Variants in ATF3 observed in about 807,000 individuals in gnomAD.
ATF3 encodes the protein cyclic AMP-dependent transcription factor ATF-3.
ATF3 carries 10 observed loss-of-function variants against 18.4 expected under a neutral mutation model. That is an observed-to-expected ratio of 0.54 (90% CI 0.34 to 0.92). The LOEUF (loss-of-function observed/expected upper bound fraction) is 0.92, where lower values mean the gene tolerates loss of function less well. Ranked by LOEUF, ATF3 falls within the 40% of genes least tolerant of loss-of-function variation. The pLI is 0.02. For missense variants in ATF3, 183 were observed against 222.3 expected (o/e 0.82, Z 1.12); for synonymous variants, 78 against 87.9 (o/e 0.89, Z 0.63).
chr1:212,619,519 T>C lies in ATF3; in HGVS notation c.510T>C (p.Phe170=). The change falls in exon 4 of 4, where the codon TTT becomes TTC. Residue 170 remains phenylalanine, a synonymous_variant. Coordinates refer to ENST00000341491, the MANE Select transcript of ATF3 (RefSeq NM_001674.4). This position sits in a 1 kb window ranked among gnomAD's most constrained non-coding sequence, Gnocchi z 4.4. Reference sequence around the variant, plus strand: ...CTCCAGAAGATGAGAGAAACCTCTTTATCCAACAGATAAAAGAAGGAACAT... The same window carrying C: ...CTCCAGAAGATGAGAGAAACCTCTTCATCCAACAGATAAAAGAAGGAACAT... ...GRTPEDERNL[F]IQQIKEGTLQ... 1.9e-6 allele frequency: 3 copies of C among 1,614,198 alleles called. No homozygotes were observed. The highest frequency in any genetic ancestry group is 2.5e-6 in the Non-Finnish European group (3 of 1,180,038).
chr1:212,569,738 T>A (rs1664446622), intron 1 of ATF3, among the ~76,000 whole-genome samples: 1 of 152,010 alleles, frequency 6.6e-6, no homozygotes, highest in South Asian at 2.1e-4. Flanking sequence ...TTTAATGTAG[T>A]TTACCTTACT....
intron 1 of ATF3, among the ~76,000 whole-genome samples, chr1:212,611,536 T>C (rs1180377338): frequency 6.6e-6 from 1 of 152,324 alleles, no homozygotes; most frequent in South Asian, 2.1e-4. Context: ...GTGGCACTGA[T>C]AGGCTTAGAA....
chr1:212,604,598 A>C (rs1376605450), upstream of ATF3, among the ~76,000 whole-genome samples: 1 of 152,174 alleles, frequency 6.6e-6, no homozygotes, highest in Non-Finnish European at 1.5e-5. Flanking sequence ...GAGGGGAAGA[A>C]AGGTTGCAGA....
upstream of ATF3, among the ~76,000 whole-genome samples, chr1:212,607,102 G>A (rs1179551596): frequency 5.9e-5 from 9 of 152,230 alleles, no homozygotes; most frequent in African/African-American, 2.2e-4. Flanking sequence ...TTCCGAGGCC[G>A]CCCTCCGCGT....
At chr1:212,593,859 CTT>C (rs58326724) in intron 1 of ATF3, among the ~76,000 whole-genome samples, 31,279 of 151,466 alleles carry the variant, frequency 0.21, 3,260 homozygotes, top group South Asian at 0.26. Context: ...CTAGGGCTGT[CTT>C]TATTTTTCTG....
chr1:212,591,370 T>C (rs1199575220), intron 1 of ATF3, among the ~76,000 whole-genome samples: 1 of 152,220 alleles, frequency 6.6e-6, no homozygotes, highest in African/African-American at 2.4e-5. Flanking sequence ...TCTAAAGTGA[T>C]ATCTTGGCTT....
intron 1 of ATF3, among the ~76,000 whole-genome samples, chr1:212,585,802 G>C (rs1316529322): frequency 6.6e-6 from 1 of 151,982 alleles, no homozygotes; most frequent in Non-Finnish European, 1.5e-5. Context: ...AGGTGTGTGT[G>C]TGTGTGTATG....
At chr1:212,597,707 C>T (rs770412031) in intron 1 of ATF3, among the ~76,000 whole-genome samples, 1 of 152,138 alleles carries the variant, frequency 6.6e-6, no homozygotes, top group Non-Finnish European at 1.5e-5. Flanking sequence ...AGTGCAGAAC[C>T]AGAACTTGAA....
rs57512671 is a variant in ATF3 at position 212,576,721 on chromosome 1, C to CTTTTTTTTTTTTTTTTTTTTT, written c.-5+11242_-5+11262dup. On this transcript the variant is annotated intron_variant, in intron 1 of 3. Coordinates refer to the ATF3 transcript ENST00000366981. ...AAAAAATATTCTTTTCTTTTCTTTTCTTTTTTTTTTTTTTTTTTTTTTTTG... is the reference window on the plus strand; with the variant it reads ...AAAAAATATTCTTTTCTTTTCTTTTCTTTTTTTTTTTTTTTTTTTTTTTTTTTTTTTTTTTTTTTTTTTTTG... Among the ~76,000 whole-genome samples the CTTTTTTTTTTTTTTTTTTTTT allele has an allele frequency of 7.0e-5, 4 of 57,302 alleles. 1 individual carries two copies. Among genetic ancestry groups the CTTTTTTTTTTTTTTTTTTTTT allele is most frequent in the Non-Finnish European group, 1.2e-4 (4 of 34,252 alleles). 37.6% of individuals were successfully genotyped at this position (57,302 alleles called of 152,430 possible). A position where few individuals can be genotyped will look rare whatever the true frequency, so the allele number is the denominator to read the frequency against.
rs1362809423 is a variant in ATF3, at chr1:212,618,393, G to C, written c.348+159G>C. The C allele has an allele frequency of 3.9e-6, 3 of 777,630 alleles. No individual in the cohort carries two copies. The highest frequency in any genetic ancestry group is 6.9e-6 in the Non-Finnish European group (3 of 436,334). The allele number at this position is 777,630 out of a possible 1,614,324, so 48.2% of individuals were successfully genotyped here. Reference sequence around the variant, plus strand: ...AGAAATGCCAGTTGCAGAATGAGGAGGTGGCAAAGCAGTTAACACAATGGA... The same window carrying C: ...AGAAATGCCAGTTGCAGAATGAGGACGTGGCAAAGCAGTTAACACAATGGA... On this transcript the variant is annotated intron_variant, in intron 3 of 3. Coordinates refer to ENST00000341491, the MANE Select transcript of ATF3 (RefSeq NM_001674.4). The surrounding 1 kb of genome is among the most constrained non-coding windows in gnomAD (Gnocchi z 4.4).
chr1:212,619,435 G>A lies in ATF3; in HGVS notation c.426G>A (p.Leu142=). ...AGCTCAAGAACGAGAAGCAGCATTTGATATACATGCTCAACCTTCATCGGC... is the reference window on the plus strand; with the variant it reads ...AGCTCAAGAACGAGAAGCAGCATTTAATATACATGCTCAACCTTCATCGGC... ...IEELKNEKQH[L]IYMLNLHRPT... Residue 142 remains leucine, a synonymous_variant, in exon 4 of 4, where the codon TTG becomes TTA. Transcript: ENST00000341491. This position sits in a 1 kb window ranked among gnomAD's most constrained non-coding sequence, Gnocchi z 4.4. The A allele has an allele frequency of 6.2e-7, 1 of 1,614,204 alleles. No individual in the cohort carries two copies. Among genetic ancestry groups the A allele is most frequent in the Non-Finnish European group, 8.5e-7 (1 of 1,180,046 alleles).
intron 1 of ATF3, 41 bp from the exon 2 acceptor site, chr1:212,614,977 C>T (rs776645414): frequency 6.2e-7 from 1 of 1,614,054 alleles, no homozygotes; most frequent in Non-Finnish European, 8.5e-7. Context: ...TCCCATGCCC[C>T]AGAGCCCCTG....
At chr1:212,595,658 G>A (rs1664978734) in intron 1 of ATF3, among the ~76,000 whole-genome samples, 1 of 152,180 alleles carries the variant, frequency 6.6e-6, no homozygotes, top group African/African-American at 2.4e-5. Flanking sequence ...AGAACTATGG[G>A]AACACAGAAA....
At chr1:212,573,650 G>A (rs1158709754) in intron 1 of ATF3, among the ~76,000 whole-genome samples, 3 of 151,824 alleles carry the variant, frequency 2.0e-5, no homozygotes, top group African/African-American at 7.2e-5. Flanking sequence ...TAGTGATTAC[G>A]TATTCCTTAA....
chr1:212,582,221 C>T lies in ATF3; in HGVS notation c.-5+16738C>T, dbSNP rs562785514. Among the ~76,000 whole-genome samples, 20 of 152,310 alleles carry T rather than the reference C, an allele frequency of 1.3e-4. No individual in the cohort carries two copies. The East Asian group carries it at 2.3e-3, about 18-fold the overall frequency. ...GGAATTCACACTTAACTGGGTGCTC[C>T]GTACTTTATCTGGCAACCCTTCCCA... On this transcript the variant is annotated intron_variant, in intron 1 of 3. Coordinates refer to the ATF3 transcript ENST00000366981.
intron 1 of ATF3, among the ~76,000 whole-genome samples, chr1:212,578,394 G>A (rs559780146): frequency 7.1e-4 from 108 of 152,196 alleles, no homozygotes; most frequent in African/African-American, 2.4e-3. Context: ...GAAATGATAC[G>A]TATTTATAGT....
chr1:212,599,759 G>T (rs1654429780), intron 1 of ATF3, among the ~76,000 whole-genome samples: 1 of 152,152 alleles, frequency 6.6e-6, no homozygotes, highest in South Asian at 2.1e-4. Context: ...TAACATCTGA[G>T]ATAGGGGCAT....
At chr1:212,588,617 A>G (rs1664822592) in intron 1 of ATF3, among the ~76,000 whole-genome samples, 2 of 105,932 alleles carry the variant, frequency 1.9e-5, no homozygotes, top group South Asian at 3.3e-4. Flanking sequence ...TATAAGGCTT[A>G]TAATGAAAAA....
Position 212,619,953 on chromosome 1 carries a change from T to C in ATF3, c.*398T>C. 3.6e-6 allele frequency: 1 copy of C among 280,212 alleles called. No homozygotes were observed. The allele number at this position is 280,212 out of a possible 1,614,324, so 17.4% of individuals were successfully genotyped here. A position where few individuals can be genotyped will look rare whatever the true frequency, so the allele number is the denominator to read the frequency against. The stretch of plus-strand genomic sequence containing the variant: ...CCATCTCCTTCACCGTGGCTACCAT[T>C]GTCACTCGTAGGGGATGTGGAGTGA... On this transcript the variant is annotated 3_prime_UTR_variant, in exon 4 of 4. Transcript: ENST00000341491. This position sits in a 1 kb window ranked among gnomAD's most constrained non-coding sequence, Gnocchi z 4.4.
Sources: allele counts gnomAD v4.1 joint callset (sites outside exome capture counted in the v4.1 genomes callset), GRCh38; gene constraint gnomAD v4.1.1; non-coding constraint Gnocchi (gnomAD v3.1); transcripts MANE v1.5; gene names NCBI Gene and HGNC (gene_info 2026-07-23, HGNC 2026-07-21).